Variants in CIMAP2 observed in about 807,000 individuals in gnomAD.
CIMAP2 encodes the protein ciliary microtubule-associated protein 2.
At chr1:54,812,112 G>A in the CIMAP2 span, 13 of 1,614,092 alleles carry the variant, frequency 8.1e-6, no homozygotes, top group East Asian at 1.3e-4. Flanking sequence ...GGCACGATCC[G>A]TCGGCACCCG....
chr1:54,824,448 G>T, the CIMAP2 span, among the ~76,000 whole-genome samples: 2 of 151,880 alleles, frequency 1.3e-5, no homozygotes, highest in Admixed American at 1.3e-4. Context: ...GCAAGACTTG[G>T]GATGTTTTCA....
the CIMAP2 span, among the ~76,000 whole-genome samples, chr1:54,837,971 A>C: frequency 1.3e-5 from 2 of 152,014 alleles, no homozygotes; most frequent in Non-Finnish European, 2.9e-5. Context: ...CTTATAGTTG[A>C]GGATAGAGTG....
At chr1:54,809,664 C>T in the CIMAP2 span, among the ~76,000 whole-genome samples, 4 of 152,010 alleles carry the variant, frequency 2.6e-5, no homozygotes, top group African/African-American at 9.7e-5. Flanking sequence ...GCATTTCACC[C>T]ACAGGTTTGG....
At chr1:54,814,786 C>A in the CIMAP2 span, 6 of 1,351,602 alleles carry the variant, frequency 4.4e-6, no homozygotes, top group South Asian at 1.4e-5. Flanking sequence ...GTACCTCCAC[C>A]GTCCTTGGCT....
chr1:54,811,765 G>GCCGGGGGGGGGGCCCCCCCCCCCCCC, the CIMAP2 span: 23 of 1,301,266 alleles, frequency 1.8e-5, no homozygotes, highest in East Asian at 5.0e-5. Flanking sequence ...GGTTCTGACA[G>GCCGGGGGGGGGGCCCCCCCCCCCCCC]CCTCCATGCC....
the CIMAP2 span, among the ~76,000 whole-genome samples, chr1:54,832,665 C>G: frequency 6.6e-6 from 1 of 151,990 alleles, no homozygotes; most frequent in Non-Finnish European, 1.5e-5. Flanking sequence ...CCAAAAGAAG[C>G]AATCATTCAA....
chr1:54,831,040 G>C, the CIMAP2 span, among the ~76,000 whole-genome samples: 2 of 152,050 alleles, frequency 1.3e-5, no homozygotes, highest in Admixed American at 6.6e-5. Context: ...TGAAATTTCT[G>C]GGTTTCAAAG....
At chr1:54,806,158 C>T in the CIMAP2 span, 1 of 1,550,084 alleles carries the variant, frequency 6.5e-7, no homozygotes, top group Middle Eastern at 1.7e-4. Flanking sequence ...ATGGCTGGAA[C>T]CGCGTCGGCT....
At chr1:54,834,546 C>T in the CIMAP2 span, among the ~76,000 whole-genome samples, 1 of 152,106 alleles carries the variant, frequency 6.6e-6, no homozygotes, top group Non-Finnish European at 1.5e-5. Context: ...TCAGATTATA[C>T]AGGTTGAGTC....
At chr1:54,816,845 T>C in the CIMAP2 span, 1 of 1,096,254 alleles carries the variant, frequency 9.1e-7, no homozygotes, top group South Asian at 1.6e-5. Context: ...TTGCTCGGGG[T>C]TGGGACCTCA....
At chr1:54,841,724 G>C in the CIMAP2 span, 1 of 1,592,836 alleles carries the variant, frequency 6.3e-7, no homozygotes, top group Non-Finnish European at 8.6e-7. Context: ...TTCCCTATGG[G>C]TGTCCCTCCA....
chr1:54,811,223 T>A, the CIMAP2 span, among the ~76,000 whole-genome samples: 2 of 152,212 alleles, frequency 1.3e-5, no homozygotes, highest in African/African-American at 4.8e-5. Context: ...GTCACAGCAC[T>A]GTTCACAGCA....
chr1:54,836,188 G>A, the CIMAP2 span, among the ~76,000 whole-genome samples: 6 of 152,116 alleles, frequency 3.9e-5, no homozygotes, highest in South Asian at 1.2e-3. Flanking sequence ...AACTCCAAGG[G>A]AAGGCAGTCG....
the CIMAP2 span, among the ~76,000 whole-genome samples, chr1:54,823,011 A>G: frequency 6.6e-6 from 1 of 152,178 alleles, no homozygotes; most frequent in African/African-American, 2.4e-5. Flanking sequence ...ATCCTGGAGA[A>G]TGTTCCATGT....
chr1:54,809,733 G>A, the CIMAP2 span, among the ~76,000 whole-genome samples: 4 of 152,056 alleles, frequency 2.6e-5, no homozygotes, highest in Admixed American at 6.6e-5. Flanking sequence ...GCCTGGGTGT[G>A]GGAACTCAGC....
chr1:54,811,299 T>C, the CIMAP2 span, among the ~76,000 whole-genome samples: 1 of 151,934 alleles, frequency 6.6e-6, no homozygotes, highest in South Asian at 2.1e-4. Context: ...AATTGCCAAA[T>C]CCACCAAAGC....
the CIMAP2 span, among the ~76,000 whole-genome samples, chr1:54,832,064 C>T: frequency 6.6e-6 from 1 of 152,204 alleles, no homozygotes; most frequent in Non-Finnish European, 1.5e-5. Context: ...AGGCTGGTCT[C>T]AAACTCCTGG....
chr1:54,842,033 G>T, the CIMAP2 span: 1 of 700,268 alleles, frequency 1.4e-6, no homozygotes. Flanking sequence ...TGCCAGAGCT[G>T]CATACCTGAA....
the CIMAP2 span, chr1:54,814,867 C>T: frequency 1.2e-6 from 2 of 1,611,798 alleles, no homozygotes; most frequent in East Asian, 2.2e-5. Flanking sequence ...CCCAGGCTGA[C>T]ACTGCCAGAG....
Sources: allele counts gnomAD v4.1 joint callset (sites outside exome capture counted in the v4.1 genomes callset), GRCh38; gene constraint gnomAD v4.1.1; transcripts MANE v1.5; gene names NCBI Gene and HGNC (gene_info 2026-07-23, HGNC 2026-07-21).